The following SENP6 variants were observed in gnomAD, a reference collection of about 807,000 sequenced individuals.
SENP6 encodes sentrin-specific protease 6.
SENP6 carries 41 observed loss-of-function variants against 134.5 expected under a neutral mutation model. That is an observed-to-expected ratio of 0.30 (90% CI 0.24 to 0.40). The LOEUF (loss-of-function observed/expected upper bound fraction) is 0.40, where lower values mean the gene tolerates loss of function less well. Among genes scored for constraint, SENP6 ranks in the 10% least tolerant of loss-of-function variants. The probability of loss-of-function intolerance (pLI) is 1.00; values close to 1 mark genes in which losing one functional copy is unlikely to be tolerated. For missense variants in SENP6, 1,248 were observed against 1,312.5 expected (o/e 0.95, Z 0.76); for synonymous variants, 395 against 429.8 (o/e 0.92, Z 1.00).
chr6:75,713,499 T>A lies in SENP6; in HGVS notation c.2910-14T>A. On this transcript the variant is annotated splice_polypyrimidine_tract_variant and intron_variant, in intron 21 of 23. Transcript: ENST00000447266. Reference sequence around the variant, plus strand: ...TTATGAAGTATTCGACTTTTGGTCATTTTTACCCTGCAGACCTTGTATCCT... The same window carrying A: ...TTATGAAGTATTCGACTTTTGGTCAATTTTACCCTGCAGACCTTGTATCCT... The A allele has an allele frequency of 6.2e-7, 1 of 1,607,066 alleles. No homozygotes were observed. Among genetic ancestry groups the A allele is most frequent in the East Asian group, 2.2e-5 (1 of 44,796 alleles).
At chr6:75,688,826 G>A (rs1050405545) in intron 16 of SENP6, among the ~76,000 whole-genome samples, 3 of 152,210 alleles carry the variant, frequency 2.0e-5, no homozygotes, top group Admixed American at 6.5e-5. Flanking sequence ...CCAGCACTTT[G>A]GGAAGCCGAG....
chr6:75,637,918 T>A (rs1010482452), intron 5 of SENP6, among the ~76,000 whole-genome samples: 5 of 152,142 alleles, frequency 3.3e-5, no homozygotes, highest in African/African-American at 1.2e-4. Flanking sequence ...TGGAGTGCAG[T>A]GGCGTGATCT....
At position 75,602,326 on chromosome 6, in the gene SENP6, G is replaced by A. The variant is rs1031347924; in HGVS notation, c.-199G>A. 3.7e-5 allele frequency: 18 copies of A among 491,642 alleles called. No individual in the cohort carries two copies. The highest frequency in any genetic ancestry group is 3.1e-4 in the African/African-American group (15 of 48,690). The allele number at this position is 491,642 out of a possible 1,614,324, so 30.5% of individuals were successfully genotyped here. Reference sequence around the variant, plus strand: ...GGGCCGCGGGCCTCGCTGCCCGCCAGCCCGCGGACAGGCCCGGGCGCGCCT... The same window carrying A: ...GGGCCGCGGGCCTCGCTGCCCGCCAACCCGCGGACAGGCCCGGGCGCGCCT... On this transcript the variant is annotated 5_prime_UTR_variant, in exon 1 of 24. Transcript: ENST00000447266.
chr6:75,687,452 C>CT (rs1467552682), intron 16 of SENP6, among the ~76,000 whole-genome samples: 2 of 152,236 alleles, frequency 1.3e-5, no homozygotes, highest in African/African-American at 4.8e-5. Context: ...TGGCAAGAAG[C>CT]TGCAATCCTT....
chr6:75,712,697 T>C (rs930273535), intron 21 of SENP6, among the ~76,000 whole-genome samples: 2 of 152,078 alleles, frequency 1.3e-5, no homozygotes, highest in Non-Finnish European at 2.9e-5. Context: ...TACAGAGTTA[T>C]ATGGAGTGTT....
chr6:75,627,032 C>T (rs559658669), intron 3 of SENP6, among the ~76,000 whole-genome samples: 8 of 152,088 alleles, frequency 5.3e-5, no homozygotes, highest in Admixed American at 1.3e-4. Flanking sequence ...GGTGCGATAT[C>T]GGCTCACTGC....
At chr6:75,704,131 C>A (rs1031846108) in intron 19 of SENP6, among the ~76,000 whole-genome samples, 1 of 151,870 alleles carries the variant, frequency 6.6e-6, no homozygotes, top group East Asian at 1.9e-4. Flanking sequence ...TCAGGTGGGA[C>A]GAGAGACTGA....
intron 16 of SENP6, among the ~76,000 whole-genome samples, chr6:75,693,141 T>G (rs1774402922): frequency 6.6e-6 from 1 of 152,110 alleles, no homozygotes; most frequent in Non-Finnish European, 1.5e-5. Flanking sequence ...GGCTCACGCC[T>G]ATAATCCCAG....
chr6:75,616,602 C>T (rs972219514), intron 1 of SENP6, among the ~76,000 whole-genome samples: 3 of 151,872 alleles, frequency 2.0e-5, no homozygotes, highest in Non-Finnish European at 4.4e-5. Flanking sequence ...CAAAATTAGC[C>T]GGGCGTGGTA....
At chr6:75,605,852 A>G (rs1186242107) in intron 1 of SENP6, among the ~76,000 whole-genome samples, 2 of 152,226 alleles carry the variant, frequency 1.3e-5, no homozygotes, top group Non-Finnish European at 2.9e-5. Context: ...TAAAAGCAAG[A>G]CAATAAATTA....
chr6:75,706,684 A>G (rs1384819808), intron 19 of SENP6, among the ~76,000 whole-genome samples: 3 of 152,158 alleles, frequency 2.0e-5, no homozygotes, highest in Non-Finnish European at 2.9e-5. Context: ...TGTTTTTAGT[A>G]TGTGTATACC....
intron 18 of SENP6, among the ~76,000 whole-genome samples, chr6:75,699,615 G>A (rs1319912023): frequency 1.3e-5 from 2 of 151,972 alleles, no homozygotes; most frequent in Non-Finnish European, 2.9e-5. Flanking sequence ...AGCCTCCTGA[G>A]TAGCTGGGAC....
chr6:75,668,661 G>A (rs1027503701), intron 10 of SENP6, among the ~76,000 whole-genome samples: 1 of 152,230 alleles, frequency 6.6e-6, no homozygotes, highest in Non-Finnish European at 1.5e-5. Context: ...CAGTTTGGCA[G>A]TAATTCTAAA....
At chr6:75,634,683 A>G in intron 4 of SENP6, 24 bp from the exon 5 acceptor site, 1 of 1,357,126 alleles carries the variant, frequency 7.4e-7, no homozygotes. Context: ...TGTTCAAGTT[A>G]TTTTTTGTTT....
intron 23 of SENP6, 53 bp downstream of exon 23, chr6:75,713,878 G>T: frequency 1.6e-6 from 2 of 1,286,888 alleles, no homozygotes; most frequent in South Asian, 1.6e-5. Context: ...TAGTGCATTT[G>T]ACTTTACCTT....
At chr6:75,653,319 CTG>C in intron 7 of SENP6, among the ~76,000 whole-genome samples, 1 of 152,340 alleles carries the variant, frequency 6.6e-6, no homozygotes, top group African/African-American at 2.4e-5. Context: ...GCATGAGCCA[CTG>C]TGCCTGGCCT....
At chr6:75,626,529 T>G (rs1268896433) in intron 3 of SENP6, among the ~76,000 whole-genome samples, 1 of 152,174 alleles carries the variant, frequency 6.6e-6, no homozygotes, top group Admixed American at 6.5e-5. Context: ...GATATTCAGT[T>G]TGTCCCTACT....
intron 1 of SENP6, among the ~76,000 whole-genome samples, chr6:75,614,346 A>C (rs987694745): frequency 6.6e-6 from 1 of 151,176 alleles, no homozygotes; most frequent in Non-Finnish European, 1.5e-5. Context: ...GCTCACTGCA[A>C]CCTCTGCCTC....
chr6:75,713,273 A>G (rs907583083), intron 21 of SENP6, among the ~76,000 whole-genome samples: 18 of 152,252 alleles, frequency 1.2e-4, no homozygotes, highest in African/African-American at 4.3e-4. Context: ...TAGCTAAGAT[A>G]TGGTTAAGTT....
Sources: allele counts gnomAD v4.1 joint callset (sites outside exome capture counted in the v4.1 genomes callset), GRCh38; gene constraint gnomAD v4.1.1; transcripts MANE v1.5; gene names NCBI Gene and HGNC (gene_info 2026-07-23, HGNC 2026-07-21).